Variants in DLGAP5 observed in about 807,000 individuals in gnomAD.
DLGAP5 encodes the protein disks large-associated protein 5.
DLGAP5 carries 90 observed loss-of-function variants against 99.6 expected under a neutral mutation model. That is an observed-to-expected ratio of 0.90 (90% CI 0.76 to 1.08). The LOEUF (loss-of-function observed/expected upper bound fraction) is 1.08. Ranked by LOEUF, DLGAP5 falls within the 50% of genes least tolerant of loss-of-function variation. The pLI is 0.00. For synonymous variants in DLGAP5, 311 were observed against 321.3 expected (o/e 0.97, Z 0.34); for missense variants, 1,036 against 983.5 (o/e 1.05, Z -0.71).
At chr14:55,168,816 T>C (rs1048800576) in intron 12 of DLGAP5, among the ~76,000 whole-genome samples, 3 of 152,176 alleles carry the variant, frequency 2.0e-5, no homozygotes, top group African/African-American at 7.2e-5. Flanking sequence ...AGTTGACTCA[T>C]TTCTCACAGG....
At chr14:55,173,599 C>CTA (rs1268594608) in intron 10 of DLGAP5, among the ~76,000 whole-genome samples, 2 of 141,538 alleles carry the variant, frequency 1.4e-5, no homozygotes, top group Admixed American at 6.6e-5. Context: ...CTCTCTCTCT[C>CTA]TCTCTATATA....
intron 18 of DLGAP5, among the ~76,000 whole-genome samples, chr14:55,149,109 A>C (rs1881923305): frequency 6.6e-6 from 1 of 152,234 alleles, no homozygotes; most frequent in African/African-American, 2.4e-5. Flanking sequence ...AAAATATCAG[A>C]CTAAATGATA....
At chr14:55,188,697 G>A (rs1420073688) in intron 2 of DLGAP5, among the ~76,000 whole-genome samples, 2 of 148,632 alleles carry the variant, frequency 1.3e-5, no homozygotes, top group Non-Finnish European at 3.0e-5. Flanking sequence ...ATAATTCCTT[G>A]AGCCCAGGAA....
intron 7 of DLGAP5, among the ~76,000 whole-genome samples, chr14:55,178,953 A>C (rs1883180322): frequency 6.6e-6 from 1 of 152,152 alleles, no homozygotes; most frequent in African/African-American, 2.4e-5. Context: ...AGGCTGAGGC[A>C]GGAGAATCAC....
intron 12 of DLGAP5, among the ~76,000 whole-genome samples, chr14:55,168,916 C>A (rs1341328956): frequency 6.6e-6 from 1 of 152,006 alleles, no homozygotes; most frequent in African/African-American, 2.4e-5. Context: ...GTGGCTCATG[C>A]CTGTAATCCT....
chr14:55,190,504 G>A (rs1194096859), intron 1 of DLGAP5, among the ~76,000 whole-genome samples: 1 of 152,102 alleles, frequency 6.6e-6, no homozygotes, highest in Admixed American at 6.6e-5. Flanking sequence ...AGCCAAACTG[G>A]AGAAAGGATA....
chr14:55,182,246 G>C, intron 4 of DLGAP5, 124 bp downstream of exon 4: 1 of 739,906 alleles, frequency 1.4e-6, no homozygotes, highest in South Asian at 1.9e-5. Flanking sequence ...CAGTGACTTT[G>C]GTACCTGTTA....
chr14:55,168,258 T>G (rs1055554029), intron 12 of DLGAP5, among the ~76,000 whole-genome samples: 2 of 152,178 alleles, frequency 1.3e-5, no homozygotes, highest in African/African-American at 4.8e-5. Context: ...TGGCTGAGAT[T>G]TCCTTAACTT....
intron 18 of DLGAP5, among the ~76,000 whole-genome samples, chr14:55,150,052 C>CAA (rs559049001): frequency 4.8e-4 from 45 of 93,302 alleles, no homozygotes; most frequent in African/African-American, 1.3e-3. Context: ...AACTCTGTCT[C>CAA]AAAAAAAAAA....
At chr14:55,152,503 T>C in intron 16 of DLGAP5, 87 bp downstream of exon 16, 1 of 1,006,128 alleles carries the variant, frequency 9.9e-7, no homozygotes, top group Non-Finnish European at 1.4e-6. Context: ...CAACGGAAAT[T>C]CTGGGGATGC....
At chr14:55,188,544 TATAGATA>T (rs1380040899) in intron 2 of DLGAP5, among the ~76,000 whole-genome samples, 6 of 152,114 alleles carry the variant, frequency 3.9e-5, no homozygotes, top group African/African-American at 1.4e-4. Context: ...TATGAAGCAA[TATAGATA>T]ATAAAGTGTT....
At chr14:55,153,116 C>G (rs953396869) in intron 15 of DLGAP5, among the ~76,000 whole-genome samples, 1 of 152,004 alleles carries the variant, frequency 6.6e-6, no homozygotes, top group Non-Finnish European at 1.5e-5. Flanking sequence ...GTTCAAAAAG[C>G]GGAACAGGAG....
At chr14:55,186,530 C>A (rs1883442651) in intron 2 of DLGAP5, among the ~76,000 whole-genome samples, 1 of 152,188 alleles carries the variant, frequency 6.6e-6, no homozygotes, top group Non-Finnish European at 1.5e-5. Flanking sequence ...TCTTTTCATG[C>A]CATTGTCTTA....
At chr14:55,185,178 T>C (rs1883391051) in intron 2 of DLGAP5, among the ~76,000 whole-genome samples, 1 of 152,216 alleles carries the variant, frequency 6.6e-6, no homozygotes, top group African/African-American at 2.4e-5. Flanking sequence ...GAGAGTTACC[T>C]GTATCTCTAC....
chr14:55,154,067 C>CA (rs1566493728), intron 15 of DLGAP5, among the ~76,000 whole-genome samples: 1 of 151,908 alleles, frequency 6.6e-6, no homozygotes, highest in Non-Finnish European at 1.5e-5. Flanking sequence ...AAAAAACAAA[C>CA]AAAAAAATCT....
intron 7 of DLGAP5, 89 bp from the exon 8 acceptor site, chr14:55,177,425 A>C: frequency 8.3e-7 from 1 of 1,209,252 alleles, no homozygotes; most frequent in Non-Finnish European, 1.1e-6. Flanking sequence ...ATATGACAAC[A>C]GAAATATATG....
chr14:55,178,966 G>A (rs931738881), intron 7 of DLGAP5, among the ~76,000 whole-genome samples: 1 of 152,134 alleles, frequency 6.6e-6, no homozygotes, highest in African/African-American at 2.4e-5. Flanking sequence ...AGAATCACTT[G>A]AACCCGGGGA....
chr14:55,154,607 A>T lies in DLGAP5; in HGVS notation c.2063+10T>A, dbSNP rs1220415041. ...ACTGTTAAACTCTTATTAACATGTT[A>T]AAGAAATACCTGCTTTCAGGAATAC... On this transcript the variant is annotated intron_variant, in intron 15 of 18. Transcript: ENST00000247191. 1 of 1,609,800 alleles carries T rather than the reference A, an allele frequency of 6.2e-7. No individual in the cohort carries two copies. The highest frequency in any genetic ancestry group is 1.1e-5 in the South Asian group (1 of 90,968).
In DLGAP5 at chr14:55,189,154, C is replaced by A; in HGVS notation, c.26G>T (p.Arg9Leu). The A allele has an allele frequency of 6.2e-7, 1 of 1,612,906 alleles. No individual in the cohort carries two copies. The highest frequency in any genetic ancestry group is 1.1e-5 in the South Asian group (1 of 90,748). ...TTCAGTACTTATATCCTTCCTGTGT[C>A]GACTGGCAAAATGTGATGAAGACAT... MSSSHFAS[R>L]HRKDISTEMI... The change falls in exon 2 of 19, where the codon CGA becomes CTA. Residue 9 changes from arginine to leucine, a missense_variant. By Grantham distance (102) the Arg-to-Leu change is moderately radical (BLOSUM62 -2). Coordinates refer to ENST00000247191, the MANE Select transcript of DLGAP5 (RefSeq NM_014750.5).
Sources: allele counts gnomAD v4.1 joint callset (sites outside exome capture counted in the v4.1 genomes callset), GRCh38; gene constraint gnomAD v4.1.1; transcripts MANE v1.5; gene names NCBI Gene and HGNC (gene_info 2026-07-23, HGNC 2026-07-21).